The following SPIDR variants were observed in gnomAD, a reference collection of about 807,000 sequenced individuals.
SPIDR encodes DNA repair-scaffolding protein.
SPIDR carries 93 observed loss-of-function variants against 104.6 expected under a neutral mutation model. The ratio of observed to expected loss-of-function variants is 0.89; its 90% CI spans 0.75 to 1.06. The LOEUF is 1.06. SPIDR is among the 50% of genes least tolerant of loss of function. The probability of loss-of-function intolerance (pLI) is 0.00; values close to 1 mark genes in which losing one functional copy is unlikely to be tolerated. For missense variants in SPIDR, 1,154 were observed against 1,111.2 expected (o/e 1.04, Z -0.55); for synonymous variants, 431 against 416.9 (o/e 1.03, Z -0.41).
At chr8:47,629,657 G>A (rs1298551598) in intron 10 of SPIDR, among the ~76,000 whole-genome samples, 1 of 152,232 alleles carries the variant, frequency 6.6e-6, no homozygotes, top group Non-Finnish European at 1.5e-5. Flanking sequence ...GGAGGCTGAA[G>A]CAAGAGAACC....
intron 5 of SPIDR, among the ~76,000 whole-genome samples, chr8:47,329,392 G>C (rs2048279699): frequency 6.6e-6 from 1 of 152,092 alleles, no homozygotes; most frequent in African/African-American, 2.4e-5. Context: ...TTTTTTTGTA[G>C]AGACAGGGTT....
chr8:47,444,364 C>T (rs2070111678), intron 8 of SPIDR, among the ~76,000 whole-genome samples: 1 of 152,202 alleles, frequency 6.6e-6, no homozygotes, highest in Admixed American at 6.5e-5. Context: ...ACAACCAGGA[C>T]ACCTCTCATT....
chr8:47,293,180 G>A (rs1232742371), intron 4 of SPIDR, among the ~76,000 whole-genome samples: 4 of 152,018 alleles, frequency 2.6e-5, no homozygotes, highest in Admixed American at 6.6e-5. Flanking sequence ...ACCCAGGCTG[G>A]AGTGCAGTGG....
chr8:47,620,544 A>T (rs2064999915), intron 10 of SPIDR, among the ~76,000 whole-genome samples: 1 of 151,688 alleles, frequency 6.6e-6, no homozygotes, highest in African/African-American at 2.4e-5. Flanking sequence ...CTGGGATTAC[A>T]GGGATGAGCC....
chr8:47,712,626 A>T (rs531953246), intron 14 of SPIDR, 36 bp from the exon 15 acceptor site: 2 of 1,579,464 alleles, frequency 1.3e-6, no homozygotes, highest in South Asian at 1.1e-5. Flanking sequence ...ATTTTTTGGT[A>T]TAATAATTAA....
intron 5 of SPIDR, among the ~76,000 whole-genome samples, chr8:47,329,387 T>A (rs56250633): frequency 0.054 from 8,230 of 152,242 alleles, 314 homozygotes; most frequent in Non-Finnish European, 0.083. Context: ...TTGTATTTTT[T>A]TGTAGAGACA....
chr8:47,679,270 A>T (rs1201053610), intron 11 of SPIDR, among the ~76,000 whole-genome samples: 1 of 152,180 alleles, frequency 6.6e-6, no homozygotes, highest in East Asian at 1.9e-4. Flanking sequence ...GATGAATAAT[A>T]TGAGAACATC....
intron 11 of SPIDR, among the ~76,000 whole-genome samples, chr8:47,684,589 A>G (rs2154476916): frequency 6.6e-6 from 1 of 152,362 alleles, no homozygotes; most frequent in African/African-American, 2.4e-5. Flanking sequence ...GATCACATTC[A>G]TAGAAGTACC....
chr8:47,633,055 G>C (rs1033108154), intron 10 of SPIDR, among the ~76,000 whole-genome samples: 1 of 152,186 alleles, frequency 6.6e-6, no homozygotes, highest in Non-Finnish European at 1.5e-5. Context: ...TGACCATTTA[G>C]AAACACTGGT....
intron 5 of SPIDR, among the ~76,000 whole-genome samples, chr8:47,345,546 C>T (rs2051775948): frequency 4.6e-5 from 7 of 152,138 alleles, no homozygotes; most frequent in Non-Finnish European, 1.5e-5. Context: ...CTATAAATTA[C>T]CTTGGGCATT....
intron 5 of SPIDR, among the ~76,000 whole-genome samples, chr8:47,340,607 A>G (rs1554613312): frequency 6.6e-6 from 1 of 152,106 alleles, no homozygotes; most frequent in Non-Finnish European, 1.5e-5. Context: ...GTGTGAAAAA[A>G]CAAAACAACA....
At chr8:47,392,421 A>C (rs782252611) in intron 5 of SPIDR, among the ~76,000 whole-genome samples, 2 of 152,206 alleles carry the variant, frequency 1.3e-5, no homozygotes, top group African/African-American at 2.4e-5. Flanking sequence ...TTCAGTTTTT[A>C]AATTGGGTAT....
At chr8:47,266,388 G>A (rs1156638275) in intron 1 of SPIDR, among the ~76,000 whole-genome samples, 1 of 151,892 alleles carries the variant, frequency 6.6e-6, no homozygotes, top group South Asian at 2.1e-4. Flanking sequence ...CACCCACCTC[G>A]GCCTCTCAAA....
rs905623889 is a variant in SPIDR, at chr8:47,553,131, G to A, written c.1098-42680G>A. Reference sequence around the variant, plus strand: ...TTGTGGAGTGTCTGCCAAGAGATCCGCTGTTAGTCTGATGGGCTTCCCTTT... The same window carrying A: ...TTGTGGAGTGTCTGCCAAGAGATCCACTGTTAGTCTGATGGGCTTCCCTTT... On this transcript the variant is annotated intron_variant, in intron 8 of 19. Transcript: ENST00000297423. 5.3e-4 allele frequency among the ~76,000 whole-genome samples: 81 copies of A among 152,132 alleles called. 1 individual carries two copies. The highest frequency in any genetic ancestry group is 3.2e-3 in the Admixed American group (49 of 15,280).
At chr8:47,626,285 C>G (rs565590815) in intron 10 of SPIDR, among the ~76,000 whole-genome samples, 2 of 152,306 alleles carry the variant, frequency 1.3e-5, no homozygotes, top group South Asian at 2.1e-4. Flanking sequence ...CATAAAAACC[C>G]TAGAAGAAAA....
chr8:47,279,367 C>A, intron 1 of SPIDR: 1 of 154,002 alleles, frequency 6.5e-6, no homozygotes, highest in Non-Finnish European at 1.4e-5. Flanking sequence ...AGTGACGGGT[C>A]CAGAAGGGAG....
At chr8:47,261,300 C>T (rs775814181) in intron 1 of SPIDR, among the ~76,000 whole-genome samples, 19 of 152,220 alleles carry the variant, frequency 1.2e-4, no homozygotes, top group African/African-American at 3.6e-4. Context: ...CTTGGCCTTA[C>T]TCTTGTCTCT....
At chr8:47,421,481 C>T (rs1434499360) in intron 7 of SPIDR, among the ~76,000 whole-genome samples, 1 of 152,184 alleles carries the variant, frequency 6.6e-6, no homozygotes, top group Non-Finnish European at 1.5e-5. Flanking sequence ...AATGACTTCT[C>T]TGCATTGGTT....
At chr8:47,560,361 C>T (rs1172753186) in intron 8 of SPIDR, among the ~76,000 whole-genome samples, 1 of 152,212 alleles carries the variant, frequency 6.6e-6, no homozygotes, top group African/African-American at 2.4e-5. Context: ...CAAACTAGTC[C>T]CTCACCAGCT....
Sources: gnomAD v4.1 joint callset for allele counts (sites outside exome capture counted in the v4.1 genomes callset) on GRCh38, gnomAD v4.1.1 for gene constraint, MANE v1.5 for transcripts, NCBI Gene and HGNC (gene_info 2026-07-23, HGNC 2026-07-21) for gene names.